Variants in SLC37A2 observed in about 807,000 individuals in gnomAD.
SLC37A2 encodes solute carrier family 37 member 2.
In SLC37A2, 59 loss-of-function variants were observed where a neutral mutation model predicts 70.7. The observed-to-expected ratio is 0.83, with a 90% confidence interval of 0.68 to 1.04. The LOEUF (loss-of-function observed/expected upper bound fraction) is 1.04. SLC37A2 is among the 50% of genes least tolerant of loss of function. The probability of loss-of-function intolerance (pLI) is 0.00; values close to 1 mark genes in which losing one functional copy is unlikely to be tolerated. For synonymous variants in SLC37A2, 257 were observed against 262.1 expected (o/e 0.98, Z 0.19); for missense variants, 580 against 658.1 (o/e 0.88, Z 1.30).
In SLC37A2 at chr11:125,084,832, T is replaced by A. The variant is rs1022455355; in HGVS notation, c.1133T>A (p.Leu378Gln). ...TCCCCTCTCCTCTCTCAGATGTTCC[T>A]GTACAACTACATTGGCCAGGACGGG... ...MLILAAPMMF[L>Q]YNYIGQDGIA... The change falls in exon 13 of 18, where the codon CTG becomes CAG. Residue 378 changes from leucine (L) to glutamine (Q), a missense_variant. Transcript: ENST00000403796. 5 of 1,613,548 alleles carry A rather than the reference T, an allele frequency of 3.1e-6. No homozygotes were observed. Among genetic ancestry groups the A allele is most frequent in the Non-Finnish European group, 3.4e-6 (4 of 1,179,802 alleles).
In SLC37A2 at chr11:125,080,199, T is replaced by C. The variant is rs1468563795; in HGVS notation, c.528-415T>C. The stretch of plus-strand genomic sequence containing the variant: ...TAGTAGTAGCCTTCCTGGCATCTGC[T>C]CACTGGATGCCATAGCACACCCTGA... On this transcript the variant is annotated intron_variant, in intron 6 of 17. Transcript: ENST00000403796. This position sits in a 1 kb window ranked among gnomAD's most constrained non-coding sequence, Gnocchi z 4.3. Among the ~76,000 whole-genome samples, 5 of 152,122 alleles carry C rather than the reference T, an allele frequency of 3.3e-5. No homozygotes were observed. The South Asian group carries it at 8.3e-4, about 25-fold the overall frequency.
intron 9 of SLC37A2, 106 bp downstream of exon 9, chr11:125,082,012 A>G (rs1222934640): frequency 7.5e-7 from 1 of 1,338,002 alleles, no homozygotes; most frequent in Non-Finnish European, 1.0e-6. Flanking sequence ...GAACTTCTTT[A>G]TAGGGGAGGT....
At chr11:125,079,032 G>A (rs117802483) in intron 4 of SLC37A2, 80 bp from the exon 5 acceptor site, 42,359 of 1,587,170 alleles carry the variant, frequency 0.027, 651 homozygotes, top group Non-Finnish European at 0.031. Flanking sequence ...ACTTCCTAGC[G>A]TGGTGGGGGC....
In SLC37A2 at chr11:125,081,953, T is replaced by C. The variant is rs1591633390; in HGVS notation, c.885+47T>C. On this transcript the variant is annotated intron_variant, in intron 9 of 17. Coordinates refer to ENST00000403796, the MANE Select transcript of SLC37A2 (RefSeq NM_001145290.2). ...GGAAAGAGAGGGGCTTTCCAGATTT[T>C]TTCTGTTGGTGATGAGGAGATGGGG... 4 of 1,554,606 alleles carry C rather than the reference T, an allele frequency of 2.6e-6. No homozygotes were observed. In the East Asian group the frequency reaches 9.0e-5, roughly 35 times the overall value.
rs1403684306 is a variant in SLC37A2, at chr11:125,064,207, C to T, written c.59+781C>T. 2.0e-5 allele frequency among the ~76,000 whole-genome samples: 3 copies of T among 152,192 alleles called. No homozygotes were observed. The East Asian group carries it at 5.8e-4, about 29-fold the overall frequency. On this transcript the variant is annotated intron_variant, in intron 1 of 17. Coordinates refer to ENST00000403796, the MANE Select transcript of SLC37A2 (RefSeq NM_001145290.2). ...TTCCAGACTTCTCTTGAACAATAGA[C>T]GACGTGGACCGGGCATGGTGGTTCA...
intron 1 of SLC37A2, among the ~76,000 whole-genome samples, chr11:125,073,920 G>T (rs762630770): frequency 1.3e-5 from 2 of 152,162 alleles, no homozygotes; most frequent in Admixed American, 1.3e-4. Context: ...CAGAGCTGCC[G>T]ACCTGGGAAC....
chr11:125,079,623 G>T, intron 5 of SLC37A2, 61 bp from the exon 6 acceptor site: 1 of 1,397,176 alleles, frequency 7.2e-7, no homozygotes. Flanking sequence ...AGGGTGGTCA[G>T]AGCAGGGAGC....
At chr11:125,082,950 T>C (rs1304486001) in intron 10 of SLC37A2, among the ~76,000 whole-genome samples, 2 of 152,232 alleles carry the variant, frequency 1.3e-5, no homozygotes, top group Non-Finnish European at 2.9e-5. Context: ...CCACCTGGCC[T>C]GGGTCTCTGC....
In SLC37A2 at chr11:125,089,978, G is replaced by A. The variant is rs1323514591; in HGVS notation, c.*1844G>A. On this transcript the variant is annotated 3_prime_UTR_variant, in exon 18 of 18. Transcript: ENST00000403796. ...GGGCTCCTGAGTCTGATGGGGACGT[G>A]GAGAGTCCTTATGTCCTGCTCAGGG... 1.3e-5 allele frequency: 2 copies of A among 153,360 alleles called. No individual in the cohort carries two copies. Among genetic ancestry groups the A allele is most frequent in the South Asian group, 2.0e-4 (1 of 4,884 alleles). 9.5% of individuals were successfully genotyped at this position (153,360 alleles called of 1,614,324 possible). A position where few individuals can be genotyped will look rare whatever the true frequency, so the allele number is the denominator to read the frequency against.
At chr11:125,073,714 C>T (rs12280386) in intron 1 of SLC37A2, among the ~76,000 whole-genome samples, 18 of 152,248 alleles carry the variant, frequency 1.2e-4, no homozygotes, top group Non-Finnish European at 2.5e-4. Flanking sequence ...GCTGTTTTCT[C>T]TTATAGACAT....
At chr11:125,072,586 GC>G in intron 1 of SLC37A2, among the ~76,000 whole-genome samples, 1 of 152,322 alleles carries the variant, frequency 6.6e-6, no homozygotes, top group East Asian at 1.9e-4. Flanking sequence ...CATATTCTGT[GC>G]CCTGCTTCTC....
In SLC37A2 at chr11:125,081,448, C is replaced by T. The variant is rs745681541; in HGVS notation, c.722C>T (p.Pro241Leu). The T allele has an allele frequency of 1.2e-6, 2 of 1,610,018 alleles. No homozygotes were observed. The highest frequency in any genetic ancestry group is 1.1e-5 in the South Asian group (1 of 90,330). Residue 241 changes from proline to leucine, a missense_variant, in exon 8 of 18, where the codon CCT (proline) becomes CTT (leucine). Coordinates refer to ENST00000403796, the MANE Select transcript of SLC37A2 (RefSeq NM_001145290.2). Reference sequence around the variant, plus strand: ...CCAGAAGATGTGGACTGCGCCCCTCCTCAGCACCACGTGAGTGTGAGCCCT... The same window carrying T: ...CCAGAAGATGTGGACTGCGCCCCTCTTCAGCACCACGTGAGTGTGAGCCCT... ...EHPEDVDCAP[P>L]QHHGEPAENQ...
chr11:125,079,868 C>T (rs2135571202), intron 6 of SLC37A2, 108 bp downstream of exon 6: 1 of 843,620 alleles, frequency 1.2e-6, no homozygotes, highest in African/African-American at 1.7e-5. Flanking sequence ...CAGAAAGCGG[C>T]CTCCACGTTG....
chr11:125,085,072 T>A lies in SLC37A2; in HGVS notation c.1181T>A (p.Leu394Gln), dbSNP rs1333407601. The part of the protein sequence containing the change: ...QDGIASSIVM[L>Q]IICGGLVNGP... Reference sequence around the variant, plus strand: ...TGTCTCTATGCTGTCCCAGTGATGCTGATCATCTGTGGGGGCCTGGTCAAT... The same window carrying A: ...TGTCTCTATGCTGTCCCAGTGATGCAGATCATCTGTGGGGGCCTGGTCAAT... Residue 394 changes from leucine to glutamine, a missense_variant, in exon 14 of 18, where the codon CTG (leucine) becomes CAG (glutamine). Physicochemically the swap from Leu to Gln is moderately radical, Grantham distance 113. Coordinates refer to ENST00000403796, the MANE Select transcript of SLC37A2 (RefSeq NM_001145290.2). The A allele has an allele frequency of 6.8e-6, 11 of 1,614,068 alleles. No individual in the cohort carries two copies. Among genetic ancestry groups the A allele is most frequent in the Non-Finnish European group, 9.3e-6 (11 of 1,179,976 alleles).
intron 4 of SLC37A2, among the ~76,000 whole-genome samples, chr11:125,077,960 T>C (rs1407460803): frequency 1.3e-5 from 2 of 152,090 alleles, no homozygotes; most frequent in Non-Finnish European, 2.9e-5. Context: ...GTGGGGGCAA[T>C]GGATGCATTG....
intron 4 of SLC37A2, among the ~76,000 whole-genome samples, 167 bp downstream of exon 4, chr11:125,077,695 C>T (rs964453420): frequency 1.4e-4 from 22 of 152,210 alleles, no homozygotes; most frequent in Non-Finnish European, 3.1e-4. Context: ...TGCTCCTTCG[C>T]CTGGTAGACT....
chr11:125,076,934 C>T, intron 2 of SLC37A2, 96 bp downstream of exon 2: 2 of 1,148,122 alleles, frequency 1.7e-6, no homozygotes, highest in South Asian at 1.3e-5. Flanking sequence ...CTTCACCTGG[C>T]AGGCTCCCAC....
intron 7 of SLC37A2, 91 bp from the exon 8 acceptor site, chr11:125,081,330 A>T: frequency 7.7e-7 from 1 of 1,306,116 alleles, no homozygotes; most frequent in Non-Finnish European, 1.1e-6. Context: ...GGGATGGCTT[A>T]GATCCAGTGC....
rs150480230 is a variant in SLC37A2 at position 125,085,940 on chromosome 11, C to G, written c.1426-14C>G. On this transcript the variant is annotated splice_polypyrimidine_tract_variant and intron_variant, in intron 16 of 17. Coordinates refer to ENST00000403796, the MANE Select transcript of SLC37A2 (RefSeq NM_001145290.2). ...ACAGTGCCCTCCCTTCCCTCTGTGC[C>G]TTGTGCTCCACAGCTCCTTTGCCGG... 1 of 1,613,482 alleles carries G rather than the reference C, an allele frequency of 6.2e-7. No individual in the cohort carries two copies.
Sources: gnomAD v4.1 joint callset for allele counts (sites outside exome capture counted in the v4.1 genomes callset) on GRCh38, gnomAD v4.1.1 for gene constraint, Gnocchi (gnomAD v3.1) non-coding constraint, MANE v1.5 for transcripts, NCBI Gene and HGNC (gene_info 2026-07-23, HGNC 2026-07-21) for gene names.